The following LRRTM4 variants were observed in gnomAD, a reference collection of about 807,000 sequenced individuals.
LRRTM4 encodes leucine rich repeat transmembrane neuronal 4.
A neutral mutation model predicts 47.6 loss-of-function variants in LRRTM4; 25 were observed. That is an observed-to-expected ratio of 0.53 (90% CI 0.38 to 0.73). LRRTM4 has a LOEUF of 0.73. Among genes scored for constraint, LRRTM4 ranks in the 30% least tolerant of loss-of-function variants. The pLI, the probability that LRRTM4 is intolerant of heterozygous loss-of-function variation, is 0.00. For missense variants in LRRTM4, 638 were observed against 713.4 expected, an observed-to-expected ratio of 0.89 and a Z score of 1.20; for synonymous variants, 311 against 269.5, an observed-to-expected ratio of 1.15 and a Z score of -1.51.
intron 3 of LRRTM4, among the ~76,000 whole-genome samples, chr2:77,256,847 GAGGA>G (rs1054819848): frequency 2.8e-5 from 4 of 143,086 alleles, no homozygotes; most frequent in Non-Finnish European, 6.2e-5. Context: ...GGAAGAAAGA[GAGGA>G]AGGGAGGGAG....
intron 3 of LRRTM4, among the ~76,000 whole-genome samples, chr2:76,824,653 G>A (rs1671143388): frequency 6.7e-6 from 1 of 148,612 alleles, no homozygotes; most frequent in Admixed American, 6.7e-5. Flanking sequence ...ATATTTGGCT[G>A]TTTGTGGATA....
intron 3 of LRRTM4, among the ~76,000 whole-genome samples, chr2:76,910,970 A>T (rs942253539): frequency 6.6e-6 from 1 of 152,232 alleles, no homozygotes; most frequent in Non-Finnish European, 1.5e-5. Context: ...CTTTACTCAG[A>T]AGATGTGGAT....
rs752407175 is a variant in LRRTM4, at chr2:77,028,699, T to C, written c.1552-279783A>G. Reference sequence around the variant, plus strand: ...ACACAATAAAAATAGGATGATGATATAAGAAAAGTGTAAAATGCAGGACAA... The same window carrying C: ...ACACAATAAAAATAGGATGATGATACAAGAAAAGTGTAAAATGCAGGACAA... On this transcript the variant is annotated intron_variant, in intron 3 of 3. Coordinates refer to ENST00000409884, the MANE Select transcript of LRRTM4 (RefSeq NM_001134745.3). Among the ~76,000 whole-genome samples the C allele has an allele frequency of 5.3e-5, 8 of 151,698 alleles. No individual in the cohort carries two copies. The South Asian group carries it at 6.2e-4, about 12-fold the overall frequency.
intron 3 of LRRTM4, among the ~76,000 whole-genome samples, chr2:77,325,589 C>G (rs1392333254): frequency 6.6e-6 from 1 of 152,088 alleles, no homozygotes; most frequent in East Asian, 1.9e-4. Context: ...GGCAGTGAGC[C>G]ATTTGCTAAC....
At chr2:77,006,898 G>C (rs539999877) in intron 3 of LRRTM4, among the ~76,000 whole-genome samples, 2 of 152,202 alleles carry the variant, frequency 1.3e-5, no homozygotes, top group East Asian at 3.9e-4. Flanking sequence ...GAGGACAGCA[G>C]TTGTACCAAA....
intron 3 of LRRTM4, among the ~76,000 whole-genome samples, chr2:77,010,519 C>T (rs1258257445): frequency 1.3e-5 from 2 of 150,314 alleles, no homozygotes; most frequent in East Asian, 3.9e-4. Flanking sequence ...CACACACACA[C>T]ACACACACAC....
intron 3 of LRRTM4, among the ~76,000 whole-genome samples, chr2:76,812,679 C>CTTTCTTTCT (rs1365688683): frequency 6.7e-6 from 1 of 148,834 alleles, no homozygotes; most frequent in Non-Finnish European, 1.5e-5. Flanking sequence ...TAAGCTCTTT[C>CTTTCTTTCT]TTTCTTTCTT....
intron 3 of LRRTM4, among the ~76,000 whole-genome samples, chr2:77,220,033 G>A (rs925267289): frequency 3.3e-5 from 5 of 152,282 alleles, no homozygotes; most frequent in African/African-American, 1.2e-4. Context: ...TCAGGCAGCA[G>A]CATTTGTGGT....
rs149502941 is a variant in LRRTM4 at position 77,406,612 on chromosome 2, C to T, written c.1551+111706G>A. Among the ~76,000 whole-genome samples the T allele has an allele frequency of 2.0e-5, 3 of 152,028 alleles. No individual in the cohort carries two copies. In the East Asian group the frequency reaches 5.8e-4, roughly 30 times the overall value. ...CACCGCACCCAGTCTGACATGCTCT[C>T]TTTTAGTAATATTAAAGTTAGTGGA... On this transcript the variant is annotated intron_variant, in intron 3 of 3. Transcript: ENST00000409884.
chr2:77,244,956 C>A (rs761453656), intron 3 of LRRTM4, among the ~76,000 whole-genome samples: 5 of 152,090 alleles, frequency 3.3e-5, no homozygotes, highest in Non-Finnish European at 5.9e-5. Context: ...CTAGTCAACA[C>A]CTTGATTAAA....
chr2:77,190,897 A>C (rs1399116383), intron 3 of LRRTM4, among the ~76,000 whole-genome samples: 2 of 152,210 alleles, frequency 1.3e-5, no homozygotes, highest in African/African-American at 4.8e-5. Flanking sequence ...TAGCAGATAC[A>C]TTCCTAATGT....
intron 3 of LRRTM4, among the ~76,000 whole-genome samples, chr2:77,326,097 C>T (rs1483760711): frequency 6.6e-6 from 1 of 152,148 alleles, no homozygotes; most frequent in African/African-American, 2.4e-5. Flanking sequence ...CACAGAGATG[C>T]CGTGAGAAAT....
At chr2:76,984,050 T>C (rs1013934002) in intron 3 of LRRTM4, among the ~76,000 whole-genome samples, 1 of 152,104 alleles carries the variant, frequency 6.6e-6, no homozygotes, top group African/African-American at 2.4e-5. Context: ...TGAATGAAGA[T>C]TCACCACATG....
At chr2:77,166,896 G>A (rs1386811363) in intron 3 of LRRTM4, among the ~76,000 whole-genome samples, 1 of 152,114 alleles carries the variant, frequency 6.6e-6, no homozygotes, top group Non-Finnish European at 1.5e-5. Context: ...ATAGGCATGG[G>A]CAAGGACTTC....
intron 3 of LRRTM4, among the ~76,000 whole-genome samples, chr2:76,817,856 A>T (rs1670945372): frequency 6.6e-6 from 1 of 151,996 alleles, no homozygotes; most frequent in African/African-American, 2.4e-5. Flanking sequence ...ATGCCATGTT[A>T]GTACCTTTCC....
chr2:77,251,195 A>T (rs1675600983), intron 3 of LRRTM4, among the ~76,000 whole-genome samples: 1 of 35,710 alleles, frequency 2.8e-5, no homozygotes, highest in African/African-American at 1.1e-4. Context: ...ATATACACAC[A>T]CACACATATA....
At chr2:77,052,150 CTTTTT>C (rs70939841) in intron 3 of LRRTM4, among the ~76,000 whole-genome samples, 3 of 63,598 alleles carry the variant, frequency 4.7e-5, no homozygotes, top group African/African-American at 1.4e-4. Flanking sequence ...GTTACATTTC[CTTTTT>C]TTTTTTTTTT....
At chr2:77,123,996 A>T (rs1671587796) in intron 3 of LRRTM4, among the ~76,000 whole-genome samples, 1 of 152,134 alleles carries the variant, frequency 6.6e-6, no homozygotes, top group Non-Finnish European at 1.5e-5. Context: ...TGTTTCCACT[A>T]TGGGCTAATG....
At chr2:77,488,069 T>C (rs1191900858) in intron 3 of LRRTM4, among the ~76,000 whole-genome samples, 1 of 152,146 alleles carries the variant, frequency 6.6e-6, no homozygotes, top group Non-Finnish European at 1.5e-5. Context: ...TAGCTTGCCA[T>C]GTTGCAGGCA....
Sources: gnomAD v4.1 joint callset for allele counts (sites outside exome capture counted in the v4.1 genomes callset) on GRCh38, gnomAD v4.1.1 for gene constraint, MANE v1.5 for transcripts, NCBI Gene and HGNC (gene_info 2026-07-23, HGNC 2026-07-21) for gene names.